The following GRM7 variants were observed in gnomAD, a reference collection of about 807,000 sequenced individuals.
GRM7 encodes the protein metabotropic glutamate receptor 7.
A neutral mutation model predicts 84.5 loss-of-function variants in GRM7; 35 were observed. That is an observed-to-expected ratio of 0.41 (90% CI 0.32 to 0.55). GRM7 has a LOEUF of 0.55. GRM7 is among the 20% of genes least tolerant of loss of function. The probability of loss-of-function intolerance (pLI) is 0.19; values close to 1 mark genes in which losing one functional copy is unlikely to be tolerated. For synonymous variants in GRM7, 487 were observed against 455.1 expected (o/e 1.07, Z -0.89); for missense variants, 1,003 against 1,194.6 (o/e 0.84, Z 2.36).
chr3:6,933,751 A>G (rs1697589841), intron 1 of GRM7, among the ~76,000 whole-genome samples: 1 of 145,950 alleles, frequency 6.9e-6, no homozygotes, highest in South Asian at 2.3e-4. Context: ...AAAAAAACAA[A>G]ACAAAACATT....
At chr3:7,112,347 C>G (rs1415071395) in intron 1 of GRM7, among the ~76,000 whole-genome samples, 1 of 151,984 alleles carries the variant, frequency 6.6e-6, no homozygotes, top group East Asian at 1.9e-4. Context: ...GCCTCAGCCT[C>G]CTGAGTAGCT....
At chr3:7,228,160 G>A (rs530602366) in intron 2 of GRM7, among the ~76,000 whole-genome samples, 7 of 152,132 alleles carry the variant, frequency 4.6e-5, no homozygotes, top group Non-Finnish European at 1.0e-4. Flanking sequence ...TGGGTAAGGT[G>A]ACCCCAAATT....
intron 6 of GRM7, among the ~76,000 whole-genome samples, chr3:7,454,865 G>T (rs73117412): frequency 6.6e-6 from 1 of 151,920 alleles, no homozygotes; most frequent in Non-Finnish European, 1.5e-5. Flanking sequence ...TCCCTGAGAG[G>T]GCCTGAGAGC....
chr3:7,611,611 T>A (rs1204656955), intron 8 of GRM7, among the ~76,000 whole-genome samples: 1 of 152,118 alleles, frequency 6.6e-6, no homozygotes, highest in Non-Finnish European at 1.5e-5. Context: ...TCCCAAGAAC[T>A]GGATAAGGAA....
At chr3:6,905,950 A>G (rs550098607) in intron 1 of GRM7, among the ~76,000 whole-genome samples, 7 of 152,338 alleles carry the variant, frequency 4.6e-5, no homozygotes, top group South Asian at 2.1e-4. Context: ...TCTGAGGGAT[A>G]AACCTAAGTG....
intron 1 of GRM7, among the ~76,000 whole-genome samples, chr3:7,141,622 G>C (rs1693946977): frequency 6.6e-6 from 1 of 151,780 alleles, no homozygotes; most frequent in Admixed American, 6.6e-5. Context: ...GATTATCCAT[G>C]ATCATGTTTA....
chr3:6,883,393 A>T (rs1444101795), intron 1 of GRM7, among the ~76,000 whole-genome samples: 1 of 152,204 alleles, frequency 6.6e-6, no homozygotes, highest in African/African-American at 2.4e-5. Flanking sequence ...ACACTTTAAT[A>T]GTTCAGACAC....
intron 8 of GRM7, 124 bp from the exon 9 acceptor site, chr3:7,679,925 A>T (rs930798653): frequency 6.1e-6 from 5 of 819,468 alleles, no homozygotes; most frequent in East Asian, 5.1e-5. Context: ...TCCTTTATTT[A>T]TCAAAATGCC....
chr3:7,265,160 G>A lies in GRM7; in HGVS notation c.737-33524G>A, dbSNP rs555294550. On this transcript the variant is annotated intron_variant, in intron 2 of 9. Transcript: ENST00000357716. ...GCTATGTTAGCAGGGTTTCAGAAAT[G>A]ATATAGCCCAACAACCTCCCTACTT... Among the ~76,000 whole-genome samples, 6 of 152,304 alleles carry A rather than the reference G, an allele frequency of 3.9e-5. No individual in the cohort carries two copies. In the South Asian group the frequency reaches 1.2e-3, roughly 32 times the overall value.
At chr3:6,885,523 T>C (rs552232630) in intron 1 of GRM7, among the ~76,000 whole-genome samples, 4 of 152,180 alleles carry the variant, frequency 2.6e-5, no homozygotes, top group Admixed American at 2.0e-4. Flanking sequence ...CCTGACCTGT[T>C]TGAGCTAGTC....
chr3:7,668,439 A>ACT (rs1403608529), intron 8 of GRM7, among the ~76,000 whole-genome samples: 3 of 151,650 alleles, frequency 2.0e-5, no homozygotes, highest in East Asian at 1.9e-4. Flanking sequence ...GAGATACACT[A>ACT]CTCTCTCTCC....
intron 7 of GRM7, among the ~76,000 whole-genome samples, chr3:7,544,350 G>C (rs1355174758): frequency 6.6e-6 from 1 of 152,074 alleles, no homozygotes; most frequent in Non-Finnish European, 1.5e-5. Flanking sequence ...CTTGAGAGAT[G>C]AGGTCTTGCT....
intron 1 of GRM7, among the ~76,000 whole-genome samples, chr3:7,141,168 C>G (rs1375579486): frequency 1.3e-5 from 2 of 151,668 alleles, no homozygotes; most frequent in Admixed American, 1.3e-4. Flanking sequence ...AGAAAACTAA[C>G]TGAATCATTA....
intron 4 of GRM7, among the ~76,000 whole-genome samples, chr3:7,395,057 G>A (rs760248207): frequency 7.2e-6 from 1 of 139,062 alleles, no homozygotes; most frequent in Non-Finnish European, 1.6e-5. Context: ...AAAAAAAAAA[G>A]TTATAAGCGT....
intron 2 of GRM7, among the ~76,000 whole-genome samples, chr3:7,175,824 C>T (rs772845961): frequency 1.4e-4 from 22 of 152,100 alleles, no homozygotes; most frequent in African/African-American, 2.7e-4. Context: ...AGGTGTGAGC[C>T]GCTGCACCCA....
At chr3:7,377,711 T>C (rs977486069) in intron 4 of GRM7, among the ~76,000 whole-genome samples, 1 of 152,154 alleles carries the variant, frequency 6.6e-6, no homozygotes, top group African/African-American at 2.4e-5. Context: ...ACTAAATCTA[T>C]TAGTAAAAGA....
rs754041837 is a variant in GRM7 at position 7,146,461 on chromosome 3, A to G, written c.529A>G (p.Ile177Val). The G allele has an allele frequency of 6.2e-7, 1 of 1,612,408 alleles. No individual in the cohort carries two copies. The highest frequency in any genetic ancestry group is 8.5e-7 in the Non-Finnish European group (1 of 1,179,160). Reference sequence around the variant, plus strand: ...TTTCTTGTCTTTGCAGATCCCCCAGATTAGTTATGCATCAACGGCACCCGA... The same window carrying G: ...TTTCTTGTCTTTGCAGATCCCCCAGGTTAGTTATGCATCAACGGCACCCGA... ...NILRLFQIPQ[I>V]SYASTAPELS... Residue 177 changes from isoleucine to valine, a missense_variant, in exon 2 of 10, where the codon ATT becomes GTT. Physicochemically the swap from Ile to Val is conservative, Grantham distance 29. Coordinates refer to ENST00000357716, the MANE Select transcript of GRM7 (RefSeq NM_000844.4).
chr3:6,912,785 C>A (rs1372589653), intron 1 of GRM7, among the ~76,000 whole-genome samples: 1 of 151,972 alleles, frequency 6.6e-6, no homozygotes, highest in Admixed American at 6.6e-5. Context: ...AAATAGTGAT[C>A]AAAGATTGAT....
chr3:7,494,290 G>A (rs1699622785), intron 7 of GRM7, among the ~76,000 whole-genome samples: 1 of 152,150 alleles, frequency 6.6e-6, no homozygotes, highest in Admixed American at 6.6e-5. Flanking sequence ...AACTTGAAAA[G>A]TGTTGTCCTT....
Sources: gnomAD v4.1 joint callset for allele counts (sites outside exome capture counted in the v4.1 genomes callset) on GRCh38, gnomAD v4.1.1 for gene constraint, MANE v1.5 for transcripts, NCBI Gene and HGNC (gene_info 2026-07-23, HGNC 2026-07-21) for gene names.